The following KLRD1 variants were observed in gnomAD, a reference collection of about 807,000 sequenced individuals.
KLRD1 encodes the protein natural killer cells antigen CD94.
Under a neutral mutation model 22.6 loss-of-function variants are expected in KLRD1, and 21 were observed. That is an observed-to-expected ratio of 0.93 (90% CI 0.66 to 1.34). The LOEUF (loss-of-function observed/expected upper bound fraction) is 1.34, where lower values mean the gene tolerates loss of function less well. Among genes scored for constraint, KLRD1 ranks in the 40% most tolerant of loss-of-function variants. The pLI is 0.00. For synonymous variants in KLRD1, 59 were observed against 71.1 expected, an observed-to-expected ratio of 0.83 and a Z score of 0.85; for missense variants, 183 against 208.6, an observed-to-expected ratio of 0.88 and a Z score of 0.76.
At position 10,326,828 on chromosome 12, in the gene KLRD1, T is replaced by C. The variant is rs1950366028; in HGVS notation, c.*12035T>C. 6.6e-6 allele frequency: 1 copy of C among 152,222 alleles called. No homozygotes were observed. Among genetic ancestry groups the C allele is most frequent in the Non-Finnish European group, 1.5e-5 (1 of 68,046 alleles). The allele number at this position is 152,222 out of a possible 1,614,324, so 9.4% of individuals were successfully genotyped here. A position where few individuals can be genotyped will look rare whatever the true frequency, so the allele number is the denominator to read the frequency against. ...AGTTTTGCCCTAAGCAGTTCCCAGC[T>C]TGAATTTTCCCTTTTGTTGAGTGAT... On this transcript the variant is annotated 3_prime_UTR_variant, in exon 6 of 6. Coordinates refer to ENST00000336164, the MANE Select transcript of KLRD1 (RefSeq NM_002262.5).
rs137861212 is a variant in KLRD1, at chr12:10,250,201, CT to C, written c.-101+23994del. Among the ~76,000 whole-genome samples, 149 of 94,546 alleles carry C rather than the reference CT, an allele frequency of 1.6e-3. 3 individuals carry two copies. Among genetic ancestry groups the C allele is most frequent in the African/African-American group, 4.0e-3 (92 of 23,138 alleles). 62.0% of individuals were successfully genotyped at this position (94,546 alleles called of 152,430 possible). ...TTCCCAAGGTGGTGATAACGTTTTG[CT>C]TTTTTTTTTTTTTTTTTTTTTTTTT... On this transcript the variant is annotated intron_variant, in intron 1 of 5. Transcript: ENST00000544747.
chr12:10,270,859 T>C (rs1370787296), intron 1 of KLRD1, among the ~76,000 whole-genome samples: 1 of 151,706 alleles, frequency 6.6e-6, no homozygotes, highest in East Asian at 1.9e-4. Flanking sequence ...TCTTGGCTCA[T>C]TGCAACCTCT....
intron 1 of KLRD1, among the ~76,000 whole-genome samples, chr12:10,261,813 A>G (rs1023920546): frequency 1.3e-5 from 2 of 152,092 alleles, no homozygotes; most frequent in African/African-American, 4.8e-5. Flanking sequence ...GGCAGTGGTA[A>G]TACTTGTATC....
chr12:10,308,224 C>A, intron 1 of KLRD1, 140 bp downstream of exon 1: 1 of 672,434 alleles, frequency 1.5e-6, no homozygotes, highest in Non-Finnish European at 2.6e-6. Context: ...TTAGCACTTT[C>A]CACATTCATT....
At chr12:10,251,872 T>A (rs1379819176) in intron 1 of KLRD1, among the ~76,000 whole-genome samples, 4 of 152,004 alleles carry the variant, frequency 2.6e-5, no homozygotes, top group Non-Finnish European at 5.9e-5. Context: ...ATGCCAGCAA[T>A]GGGGAGTGGT....
At chr12:10,308,299 G>C in intron 1 of KLRD1, 1 of 543,360 alleles carries the variant, frequency 1.8e-6, no homozygotes, top group South Asian at 2.4e-5. Flanking sequence ...CCACAGGTTT[G>C]AAGAGTGGTT....
chr12:10,242,249 G>A (rs1473399153), intron 1 of KLRD1, among the ~76,000 whole-genome samples: 2 of 151,826 alleles, frequency 1.3e-5, no homozygotes, highest in East Asian at 1.9e-4. Flanking sequence ...AATTGTCAAT[G>A]TCAAGCTGAT....
intron 1 of KLRD1, among the ~76,000 whole-genome samples, chr12:10,284,981 C>CA (rs111612727): frequency 8.3e-4 from 120 of 144,446 alleles, no homozygotes; most frequent in Middle Eastern, 3.7e-3. Flanking sequence ...AACTCCATCT[C>CA]AAAAAAAAAA....
At position 10,239,417 on chromosome 12, in the gene KLRD1, TTTCCATCCTTCCTTCCTTTCC is replaced by T. The variant is rs1949213041; in HGVS notation, c.-101+13189_-101+13209del. ...GCAGCAGCATTTCCTTCCTTCCTTCTTTCCATCCTTCCTTCCTTTCCTTCCTTCCTTCCTTCCTTCCTTCCT... is the reference window on the plus strand; with the variant it reads ...GCAGCAGCATTTCCTTCCTTCCTTCTTTCCTTCCTTCCTTCCTTCCTTCCT... On this transcript the variant is annotated intron_variant, in intron 1 of 5. Transcript: ENST00000544747. Among the ~76,000 whole-genome samples, 3 of 55,398 alleles carry T rather than the reference TTTCCATCCTTCCTTCCTTTCC, an allele frequency of 5.4e-5. 1 individual carries two copies. Among genetic ancestry groups the T allele is most frequent in the African/African-American group, 2.0e-4 (3 of 14,720 alleles). The allele number at this position is 55,398 out of a possible 152,430, so 36.3% of individuals were successfully genotyped here. A position where few individuals can be genotyped will look rare whatever the true frequency, so the allele number is the denominator to read the frequency against.
chr12:10,298,701 A>G (rs1486856697), intron 1 of KLRD1, among the ~76,000 whole-genome samples: 1 of 152,252 alleles, frequency 6.6e-6, no homozygotes, highest in East Asian at 1.9e-4. Context: ...CTGTGCCTTA[A>G]GAACATGTTC....
rs764030333 is a variant in KLRD1, at chr12:10,325,388, A to G, written c.*10595A>G. ...TTTATTGAGGTAAATACAACATAAG[A>G]TCTATCCTCTTAACAAATTTTCAAG... On this transcript the variant is annotated 3_prime_UTR_variant, in exon 6 of 6. Coordinates refer to ENST00000336164, the MANE Select transcript of KLRD1 (RefSeq NM_002262.5). The G allele has an allele frequency of 2.2e-4, 33 of 152,186 alleles. No homozygotes were observed. Among genetic ancestry groups the G allele is most frequent in the Non-Finnish European group, 4.4e-4 (30 of 68,016 alleles). The allele number at this position is 152,186 out of a possible 1,614,324, so 9.4% of individuals were successfully genotyped here. A position where few individuals can be genotyped will look rare whatever the true frequency, so the allele number is the denominator to read the frequency against.
At chr12:10,243,547 G>C (rs1245169989) in intron 1 of KLRD1, among the ~76,000 whole-genome samples, 1 of 139,306 alleles carries the variant, frequency 7.2e-6, no homozygotes, top group Admixed American at 7.7e-5. Flanking sequence ...CCAGGAGGTG[G>C]AGGTTGCAGT....
chr12:10,302,973 G>C (rs535996415), upstream of KLRD1, among the ~76,000 whole-genome samples: 1 of 152,254 alleles, frequency 6.6e-6, no homozygotes, highest in Non-Finnish European at 1.5e-5. Context: ...TTTGTCAAAA[G>C]CTGAGTTTTG....
intron 1 of KLRD1, among the ~76,000 whole-genome samples, chr12:10,291,269 C>A: frequency 6.6e-6 from 1 of 152,116 alleles, no homozygotes; most frequent in Non-Finnish European, 1.5e-5. Flanking sequence ...TTGTTGAAGG[C>A]TGGGGTGACA....
chr12:10,318,980 G>A lies in KLRD1; in HGVS notation c.*4187G>A, dbSNP rs188452491. ...GAAACTTTTCTCTTTATATCCTAACGCAGGGGTTGAAAAACTTTTCTCAAA... is the reference window on the plus strand; with the variant it reads ...GAAACTTTTCTCTTTATATCCTAACACAGGGGTTGAAAAACTTTTCTCAAA... On this transcript the variant is annotated 3_prime_UTR_variant, in exon 6 of 6. Transcript: ENST00000336164. 3 of 151,358 alleles carry A rather than the reference G, an allele frequency of 2.0e-5. No homozygotes were observed. Among genetic ancestry groups the A allele is most frequent in the Admixed American group, 1.3e-4 (2 of 15,192 alleles). The allele number at this position is 151,358 out of a possible 1,614,324, so 9.4% of individuals were successfully genotyped here. A position where few individuals can be genotyped will look rare whatever the true frequency, so the allele number is the denominator to read the frequency against.
At chr12:10,262,004 A>G (rs1464803242) in intron 1 of KLRD1, among the ~76,000 whole-genome samples, 2 of 152,078 alleles carry the variant, frequency 1.3e-5, no homozygotes, top group Non-Finnish European at 2.9e-5. Context: ...GAAATTTCTT[A>G]TATTTGCATT....
At position 10,325,815 on chromosome 12, in the gene KLRD1, T is replaced by C. The variant is rs889727216; in HGVS notation, c.*11022T>C. The C allele has an allele frequency of 1.3e-5, 2 of 152,220 alleles. No individual in the cohort carries two copies. Among genetic ancestry groups the C allele is most frequent in the African/African-American group, 4.8e-5 (2 of 41,460 alleles). 9.4% of individuals were successfully genotyped at this position (152,220 alleles called of 1,614,324 possible). On this transcript the variant is annotated 3_prime_UTR_variant, in exon 6 of 6. Coordinates refer to ENST00000336164, the MANE Select transcript of KLRD1 (RefSeq NM_002262.5). ...CTTTGAGATTCTTATTTCAATTCTT[T>C]TGCATAATTACCCAGAAAGGGGATT...
intron 1 of KLRD1, among the ~76,000 whole-genome samples, chr12:10,290,568 C>G (rs549646813): frequency 1.3e-5 from 2 of 152,306 alleles, no homozygotes; most frequent in Non-Finnish European, 2.9e-5. Context: ...CACAAACACA[C>G]ACACATTGAA....
chr12:10,240,139 C>T (rs1949227240), intron 1 of KLRD1, among the ~76,000 whole-genome samples: 1 of 151,830 alleles, frequency 6.6e-6, no homozygotes, highest in Admixed American at 6.6e-5. Flanking sequence ...CAGCTCAATG[C>T]AGCCTCAACC....
Sources: gnomAD v4.1 joint callset for allele counts (sites outside exome capture counted in the v4.1 genomes callset) on GRCh38, gnomAD v4.1.1 for gene constraint, MANE v1.5 for transcripts, NCBI Gene and HGNC (gene_info 2026-07-23, HGNC 2026-07-21) for gene names.